Variants in INTS7 observed in about 807,000 individuals in gnomAD.
INTS7 encodes integrator complex subunit 7, also known as chromosome 1 open reading frame 73.
Under a neutral mutation model 109.2 loss-of-function variants are expected in INTS7, and 46 were observed. The observed-to-expected ratio is 0.42, with a 90% CI of 0.33 to 0.54. The LOEUF is 0.54. Ranked by LOEUF, INTS7 falls within the 20% of genes least tolerant of loss-of-function variation. The pLI is 0.07. For synonymous variants in INTS7, 412 were observed against 402.9 expected, an observed-to-expected ratio of 1.02 and a Z score of -0.27; for missense variants, 929 against 1,132.4, an observed-to-expected ratio of 0.82 and a Z score of 2.58.
chr1:211,965,759 T>C (rs894733083), intron 16 of INTS7, among the ~76,000 whole-genome samples: 6 of 151,860 alleles, frequency 4.0e-5, no homozygotes, highest in Admixed American at 6.6e-5. Context: ...TATGGAAACA[T>C]AGAGGGGAAC....
intron 1 of INTS7, among the ~76,000 whole-genome samples, chr1:212,022,489 A>G (rs145778955): frequency 0.012 from 1,800 of 152,260 alleles, 23 homozygotes; most frequent in Non-Finnish European, 0.014. Context: ...AATTGAAGAG[A>G]AATTTCATTG....
At chr1:211,996,284 T>C (rs550047174) in intron 7 of INTS7, among the ~76,000 whole-genome samples, 1 of 152,108 alleles carries the variant, frequency 6.6e-6, no homozygotes, top group South Asian at 2.1e-4. Context: ...TAGCCAGGCA[T>C]GGTGGTGGGC....
chr1:211,969,662 C>T (rs1456689137), intron 13 of INTS7, among the ~76,000 whole-genome samples: 2 of 149,090 alleles, frequency 1.3e-5, no homozygotes, highest in East Asian at 2.0e-4. Context: ...CTCAAATTAT[C>T]CCCCCACCTG....
intron 11 of INTS7, among the ~76,000 whole-genome samples, chr1:211,977,030 C>A (rs150837198): frequency 7.2e-5 from 11 of 151,918 alleles, no homozygotes; most frequent in African/African-American, 2.7e-4. Context: ...AGATGACAAG[C>A]AAAATACGCA....
At chr1:211,971,915 CAAAAAAAAAAAA>C (rs745814699) in intron 13 of INTS7, among the ~76,000 whole-genome samples, 2 of 79,820 alleles carry the variant, frequency 2.5e-5, no homozygotes, top group African/African-American at 9.7e-5. Flanking sequence ...AACTCAGTCT[CAAAAAAAAAAAA>C]AAAAAAAAAG....
chr1:211,989,548 A>C (rs1272609545), intron 7 of INTS7, among the ~76,000 whole-genome samples: 1 of 152,176 alleles, frequency 6.6e-6, no homozygotes, highest in Non-Finnish European at 1.5e-5. Context: ...CTGGCTGGGC[A>C]CAGTGGCTCA....
chr1:211,999,961 C>G (rs940287498), intron 7 of INTS7, among the ~76,000 whole-genome samples: 1 of 151,914 alleles, frequency 6.6e-6, no homozygotes, highest in African/African-American at 2.4e-5. Flanking sequence ...AAAAATTAGC[C>G]AAGCAGGGTG....
chr1:212,000,788 T>A (rs1665633365), intron 7 of INTS7, among the ~76,000 whole-genome samples: 1 of 152,230 alleles, frequency 6.6e-6, no homozygotes, highest in Non-Finnish European at 1.5e-5. Context: ...AGAGACTTTC[T>A]ATAACTTTTT....
Position 211,946,616 on chromosome 1 carries a change from G to C in INTS7, c.2406C>G (p.Thr802=), listed in dbSNP as rs770440947. 6.9e-6 allele frequency: 11 copies of C among 1,594,776 alleles called. No individual in the cohort carries two copies. The South Asian group carries it at 1.2e-4, about 18-fold the overall frequency. ...ATTCTTCCTGTATTACCTTGATGCTGGTAGACTGTAGTTTCTGGAAAAAAT... is the reference window on the plus strand; with the variant it reads ...ATTCTTCCTGTATTACCTTGATGCTCGTAGACTGTAGTTTCTGGAAAAAAT... The part of the protein sequence containing the change: ...QRYFFQKLQS[T]SIKLALSPSP... Residue 802 remains threonine, a synonymous_variant, in exon 18 of 20, where the codon ACC becomes ACG. Coordinates refer to ENST00000366994, the MANE Select transcript of INTS7 (RefSeq NM_015434.4). This position sits in a 1 kb window ranked among gnomAD's most constrained non-coding sequence, Gnocchi z 4.3.
intron 7 of INTS7, among the ~76,000 whole-genome samples, chr1:212,000,192 G>C (rs1288531799): frequency 6.6e-6 from 1 of 152,072 alleles, no homozygotes; most frequent in African/African-American, 2.4e-5. Flanking sequence ...TTAAATCAAA[G>C]CTATTAGAAG....
intron 1 of INTS7, among the ~76,000 whole-genome samples, chr1:212,021,414 T>C (rs1235238521): frequency 6.6e-6 from 1 of 151,326 alleles, no homozygotes; most frequent in Non-Finnish European, 1.5e-5. Flanking sequence ...AGATACATAA[T>C]AATGAAAAAA....
chr1:211,962,324 G>A (rs1227301046), intron 16 of INTS7, among the ~76,000 whole-genome samples: 1 of 126,392 alleles, frequency 7.9e-6, no homozygotes, highest in Non-Finnish European at 1.7e-5. Context: ...AATTCAACAA[G>A]AAGACCTAAC....
chr1:211,998,201 G>A (rs1373883439), intron 7 of INTS7, among the ~76,000 whole-genome samples: 2 of 152,134 alleles, frequency 1.3e-5, no homozygotes, highest in Non-Finnish European at 2.9e-5. Context: ...CTCACCTCAA[G>A]TGATCCTCTC....
chr1:211,966,382 G>A, intron 16 of INTS7, 48 bp downstream of exon 16: 5 of 1,025,966 alleles, frequency 4.9e-6, no homozygotes, highest in Non-Finnish European at 7.7e-6. Context: ...GTAAGACAAT[G>A]TATAGAAAGT....
chr1:211,992,381 T>C (rs1373364878), intron 7 of INTS7, among the ~76,000 whole-genome samples: 2 of 152,182 alleles, frequency 1.3e-5, no homozygotes, highest in Non-Finnish European at 2.9e-5. Flanking sequence ...AACTGAATAT[T>C]AGAAAATCTT....
chr1:212,025,836 A>G (rs1490284378), intron 1 of INTS7, among the ~76,000 whole-genome samples: 2 of 152,158 alleles, frequency 1.3e-5, no homozygotes, highest in Admixed American at 6.6e-5. Context: ...ATCTCTGTCC[A>G]GTAACCTTTG....
chr1:212,025,292 A>G (rs1006488084), intron 1 of INTS7, among the ~76,000 whole-genome samples: 7 of 152,192 alleles, frequency 4.6e-5, no homozygotes, highest in African/African-American at 1.7e-4. Context: ...GCAAAACTAT[A>G]GGGATAAAAA....
At chr1:212,022,549 G>C (rs568577817) in intron 1 of INTS7, among the ~76,000 whole-genome samples, 1 of 152,300 alleles carries the variant, frequency 6.6e-6, no homozygotes, top group South Asian at 2.1e-4. Context: ...ATGCTCAACA[G>C]TGTCATCAGG....
At chr1:212,011,741 T>C in intron 4 of INTS7, 1 of 226,512 alleles carries the variant, frequency 4.4e-6, no homozygotes, top group Non-Finnish European at 8.6e-6. Flanking sequence ...GCCTGACCTT[T>C]TTCACTCCTA....
Sources: gnomAD v4.1 joint callset for allele counts (sites outside exome capture counted in the v4.1 genomes callset) on GRCh38, gnomAD v4.1.1 for gene constraint, Gnocchi (gnomAD v3.1) non-coding constraint, MANE v1.5 for transcripts, NCBI Gene and HGNC (gene_info 2026-07-23, HGNC 2026-07-21) for gene names.